Variants in TTC28 observed in about 807,000 individuals in gnomAD.
TTC28 encodes tetratricopeptide repeat domain 28, also known as tetratricopeptide repeat protein 28.
A neutral mutation model predicts 198.0 loss-of-function variants in TTC28; 61 were observed. That is an observed-to-expected ratio of 0.31 (90% confidence interval 0.25 to 0.38). The LOEUF is 0.38. Ranked by LOEUF, TTC28 falls within the 10% of genes least tolerant of loss-of-function variation. The pLI, the probability that TTC28 is intolerant of heterozygous loss-of-function variation, is 1.00. For missense variants in TTC28, 2,678 were observed against 3,164.0 expected (o/e 0.85, Z 3.69); for synonymous variants, 1,171 against 1,297.8 (o/e 0.90, Z 2.10).
intron 5 of TTC28, among the ~76,000 whole-genome samples, chr22:28,175,498 G>A (rs936972956): frequency 3.3e-5 from 5 of 152,162 alleles, no homozygotes; most frequent in South Asian, 2.1e-4. Flanking sequence ...TTGGGAGGCC[G>A]AGGCGGGTGG....
At chr22:28,440,678 T>C (rs892488389) in intron 2 of TTC28, among the ~76,000 whole-genome samples, 3 of 152,210 alleles carry the variant, frequency 2.0e-5, no homozygotes, top group Non-Finnish European at 4.4e-5. Flanking sequence ...AAATGGTTTT[T>C]ATGAAACCGT....
chr22:28,558,387 A>T (rs1301439120), intron 2 of TTC28, among the ~76,000 whole-genome samples: 1 of 152,200 alleles, frequency 6.6e-6, no homozygotes, highest in Non-Finnish European at 1.5e-5. Flanking sequence ...CATGTCAAAA[A>T]TATTGGCCAG....
chr22:28,067,785 AT>A (rs1237233971), intron 12 of TTC28, among the ~76,000 whole-genome samples: 1 of 152,222 alleles, frequency 6.6e-6, no homozygotes, highest in Non-Finnish European at 1.5e-5. Context: ...ATTGTCTGTT[AT>A]ACTTTCATTA....
chr22:28,365,726 G>C (rs1017117459), intron 2 of TTC28, among the ~76,000 whole-genome samples: 1 of 152,180 alleles, frequency 6.6e-6, no homozygotes, highest in South Asian at 2.1e-4. Context: ...ATATTTGTCT[G>C]TGTATTACTT....
chr22:28,630,285 T>A (rs944559595), intron 1 of TTC28, among the ~76,000 whole-genome samples: 1 of 152,036 alleles, frequency 6.6e-6, no homozygotes, highest in Non-Finnish European at 1.5e-5. Flanking sequence ...AGGTATTTAT[T>A]TTTTACTCTT....
chr22:28,149,089 T>G (rs1943545408), intron 6 of TTC28, among the ~76,000 whole-genome samples: 1 of 152,232 alleles, frequency 6.6e-6, no homozygotes, highest in African/African-American at 2.4e-5. Context: ...CAAACCTAGA[T>G]GACATAGCCT....
intron 2 of TTC28, among the ~76,000 whole-genome samples, chr22:28,382,984 C>T (rs1379296762): frequency 2.6e-5 from 4 of 152,146 alleles, no homozygotes; most frequent in Non-Finnish European, 5.9e-5. Context: ...ATGACCAATT[C>T]TCAATCTCAT....
chr22:28,561,819 T>G (rs1283987827), intron 2 of TTC28, among the ~76,000 whole-genome samples: 1 of 152,232 alleles, frequency 6.6e-6, no homozygotes, highest in African/African-American at 2.4e-5. Flanking sequence ...AGGCTTTTTT[T>G]TAAATCATTC....
intron 2 of TTC28, among the ~76,000 whole-genome samples, chr22:28,475,432 C>T (rs1302393213): frequency 6.6e-6 from 1 of 152,024 alleles, no homozygotes; most frequent in African/African-American, 2.4e-5. Context: ...TGGAGAAAAC[C>T]CACACCGACA....
intron 12 of TTC28, among the ~76,000 whole-genome samples, chr22:28,076,941 A>G (rs1055141946): frequency 2.0e-5 from 3 of 152,090 alleles, no homozygotes; most frequent in African/African-American, 7.2e-5. Context: ...TACAGGTTTT[A>G]TTGCATCTAT....
intron 2 of TTC28, among the ~76,000 whole-genome samples, chr22:28,455,605 T>C (rs2047847199): frequency 6.6e-6 from 1 of 152,020 alleles, no homozygotes; most frequent in Non-Finnish European, 1.5e-5. Context: ...TCCTAGCTAC[T>C]TGGAAGGCTG....
intron 2 of TTC28, among the ~76,000 whole-genome samples, chr22:28,343,128 A>G (rs956168790): frequency 6.6e-6 from 1 of 152,234 alleles, no homozygotes; most frequent in Non-Finnish European, 1.5e-5. Context: ...ATTAAGAAGT[A>G]TCTCCAAAAT....
Position 28,097,977 on chromosome 22 carries a change from TC to T in TTC28, c.3547+937del, listed in dbSNP as rs1942024431. Among the ~76,000 whole-genome samples the T allele has an allele frequency of 6.6e-5, 10 of 152,252 alleles. No individual in the cohort carries two copies. In the South Asian group the frequency reaches 2.1e-3, roughly 32 times the overall value. ...TTTTTCAAGAGGAAATTTGAGTCCTTCCTATACATACAGCAAAAGACAGGTT... is the reference window on the plus strand; with the variant it reads ...TTTTTCAAGAGGAAATTTGAGTCCTTCTATACATACAGCAAAAGACAGGTT... On this transcript the variant is annotated intron_variant, in intron 10 of 22. Coordinates refer to ENST00000397906, the MANE Select transcript of TTC28 (RefSeq NM_001145418.2).
At chr22:28,618,550 C>T (rs1251651003) in intron 2 of TTC28, among the ~76,000 whole-genome samples, 2 of 151,092 alleles carry the variant, frequency 1.3e-5, no homozygotes, top group African/African-American at 4.9e-5. Context: ...GGCGTGGTAG[C>T]GCATGCCTGT....
intron 2 of TTC28, among the ~76,000 whole-genome samples, chr22:28,393,271 T>C (rs1297545026): frequency 1.3e-5 from 2 of 152,160 alleles, no homozygotes; most frequent in African/African-American, 4.8e-5. Context: ...GTCGATTCTT[T>C]TACAACACAA....
chr22:28,385,841 TACTC>T (rs1026139328), intron 2 of TTC28, among the ~76,000 whole-genome samples: 5 of 152,180 alleles, frequency 3.3e-5, no homozygotes, highest in African/African-American at 7.2e-5. Flanking sequence ...CCCACAACTC[TACTC>T]ACTATGTCTG....
At chr22:28,116,189 C>T (rs116963355) in intron 6 of TTC28, among the ~76,000 whole-genome samples, 5 of 152,174 alleles carry the variant, frequency 3.3e-5, no homozygotes, top group East Asian at 1.9e-4. Flanking sequence ...TGAGCAGTGA[C>T]GAGCCCACTG....
At chr22:28,479,044 C>T (rs1168870524) in intron 2 of TTC28, among the ~76,000 whole-genome samples, 2 of 152,084 alleles carry the variant, frequency 1.3e-5, no homozygotes, top group Non-Finnish European at 2.9e-5. Flanking sequence ...CAGCATCTAG[C>T]ACACATCTGG....
chr22:28,581,310 C>T (rs1027005382), intron 2 of TTC28, among the ~76,000 whole-genome samples: 1 of 152,170 alleles, frequency 6.6e-6, no homozygotes, highest in African/African-American at 2.4e-5. Flanking sequence ...GCCACAGTAC[C>T]CGTAAAGCCG....
Sources: gnomAD v4.1 joint callset for allele counts (sites outside exome capture counted in the v4.1 genomes callset) on GRCh38, gnomAD v4.1.1 for gene constraint, MANE v1.5 for transcripts, NCBI Gene and HGNC (gene_info 2026-07-23, HGNC 2026-07-21) for gene names.